The following SLC30A7 variants were observed in gnomAD, a reference collection of about 807,000 sequenced individuals.
SLC30A7 encodes zinc transporter 7.
A neutral mutation model predicts 46.0 loss-of-function variants in SLC30A7; 35 were observed. The ratio of observed to expected loss-of-function variants is 0.76; its 90% CI spans 0.58 to 1.01. SLC30A7 has a LOEUF of 1.01. Among genes scored for constraint, SLC30A7 ranks in the 50% least tolerant of loss-of-function variants. The pLI is 0.00. For synonymous variants in SLC30A7, 147 were observed against 157.8 expected (o/e 0.93, Z 0.51); for missense variants, 464 against 451.1 (o/e 1.03, Z -0.26).
At chr1:100,912,625 A>G (rs963574508) in intron 5 of SLC30A7, among the ~76,000 whole-genome samples, 1 of 152,086 alleles carries the variant, frequency 6.6e-6, no homozygotes, top group Admixed American at 6.6e-5. Flanking sequence ...GGAGGTTGAC[A>G]CCAGCCTGGG....
intron 8 of SLC30A7, among the ~76,000 whole-genome samples, chr1:100,939,516 G>T (rs1171590685): frequency 4.6e-5 from 7 of 151,970 alleles, no homozygotes; most frequent in Admixed American, 2.6e-4. Context: ...CTCGAACAGA[G>T]CCTTTTTTGT....
chr1:100,955,455 A>AC (rs1455349469), intron 8 of SLC30A7, among the ~76,000 whole-genome samples: 1 of 152,052 alleles, frequency 6.6e-6, no homozygotes, highest in Non-Finnish European at 1.5e-5. Context: ...TTACTGGTAA[A>AC]CTCATACCTA....
chr1:100,941,998 G>A (rs905989534), intron 8 of SLC30A7: 1 of 241,148 alleles, frequency 4.1e-6, no homozygotes, highest in Non-Finnish European at 8.1e-6. Context: ...GCGACGTGAC[G>A]GCAGTGGGAA....
chr1:100,918,474 G>A (rs892861261), intron 7 of SLC30A7, among the ~76,000 whole-genome samples: 2 of 151,978 alleles, frequency 1.3e-5, no homozygotes, highest in Non-Finnish European at 2.9e-5. Context: ...AAAAAGATTC[G>A]GAAACTATTC....
intron 8 of SLC30A7, among the ~76,000 whole-genome samples, chr1:100,930,332 G>A (rs1204626326): frequency 2.0e-5 from 3 of 151,694 alleles, no homozygotes; most frequent in Non-Finnish European, 2.9e-5. Flanking sequence ...TAATTTTAGA[G>A]GAAACAAATT....
At chr1:100,930,836 A>G (rs987450447) in intron 8 of SLC30A7, among the ~76,000 whole-genome samples, 1 of 152,124 alleles carries the variant, frequency 6.6e-6, no homozygotes, top group African/African-American at 2.4e-5. Flanking sequence ...GTATTCTTTA[A>G]TCATGCATAA....
the SLC30A7 span, chr1:100,990,325 T>A: frequency 2.3e-6 from 3 of 1,280,654 alleles, no homozygotes; most frequent in African/African-American, 4.4e-5. Flanking sequence ...AAATTCAAGA[T>A]GAGACTTGGG....
chr1:100,945,719 G>A (rs1379462665), intron 8 of SLC30A7, among the ~76,000 whole-genome samples: 19 of 152,120 alleles, frequency 1.2e-4, no homozygotes, highest in African/African-American at 4.3e-4. Flanking sequence ...GTCAGGTAAC[G>A]TGATGCCTCC....
rs1160553420 is a variant in SLC30A7, at chr1:100,976,068, A to G, written c.*1211A>G. On this transcript the variant is annotated 3_prime_UTR_variant, in exon 11 of 11. Transcript: ENST00000357650. ...AAATTACTTTGTGGACTGTGTTTTC[A>G]AAACTTTGCAAATTCATCTGTTACA... 1 of 152,540 alleles carries G rather than the reference A, an allele frequency of 6.6e-6. No homozygotes were observed. The highest frequency in any genetic ancestry group is 6.5e-5 in the Admixed American group (1 of 15,278). 9.4% of individuals were successfully genotyped at this position (152,540 alleles called of 1,614,324 possible). A position where few individuals can be genotyped will look rare whatever the true frequency, so the allele number is the denominator to read the frequency against.
chr1:100,963,205 C>T (rs193116649), intron 9 of SLC30A7, among the ~76,000 whole-genome samples: 36 of 152,204 alleles, frequency 2.4e-4, no homozygotes, highest in African/African-American at 7.0e-4. Context: ...TTATTACCTC[C>T]GGAGAAGTTC....
intron 8 of SLC30A7, among the ~76,000 whole-genome samples, chr1:100,925,763 A>T (rs1260493610): frequency 6.6e-6 from 1 of 152,206 alleles, no homozygotes; most frequent in Non-Finnish European, 1.5e-5. Context: ...TTTTGGATAT[A>T]AGTTTGAGAT....
At chr1:100,982,600 TTTTAC>T (rs1660232552), downstream of SLC30A7, among the ~76,000 whole-genome samples, 1 of 152,174 alleles carries the variant, frequency 6.6e-6, no homozygotes, top group Non-Finnish European at 1.5e-5. Flanking sequence ...CTTTGAAATC[TTTTAC>T]TTTCTTTTCC....
chr1:100,915,190 T>C (rs1652417211), intron 6 of SLC30A7, among the ~76,000 whole-genome samples: 2 of 140,368 alleles, frequency 1.4e-5, no homozygotes, highest in African/African-American at 5.2e-5. Context: ...TTTCTTTTCT[T>C]TCTTTTCTTT....
In SLC30A7 at chr1:100,981,598, T is replaced by C. The variant is rs1404345158; in HGVS notation, c.*6741T>C. 6.6e-6 allele frequency: 1 copy of C among 152,252 alleles called. No homozygotes were observed. The highest frequency in any genetic ancestry group is 1.5e-5 in the Non-Finnish European group (1 of 68,032). The allele number at this position is 152,252 out of a possible 1,614,324, so 9.4% of individuals were successfully genotyped here. A position where few individuals can be genotyped will look rare whatever the true frequency, so the allele number is the denominator to read the frequency against. Reference sequence around the variant, plus strand: ...TTGAATATGCTGAAGTGAGCAATTATGATTTGCCCAAGTGCAATACAACAA... The same window carrying C: ...TTGAATATGCTGAAGTGAGCAATTACGATTTGCCCAAGTGCAATACAACAA... On this transcript the variant is annotated 3_prime_UTR_variant, in exon 11 of 11. Transcript: ENST00000357650.
chr1:100,987,608 T>C, the SLC30A7 span, among the ~76,000 whole-genome samples: 7 of 152,002 alleles, frequency 4.6e-5, no homozygotes, highest in African/African-American at 1.7e-4. Flanking sequence ...TTAAAAATCC[T>C]TGTCTGCCAA....
intron 3 of SLC30A7, among the ~76,000 whole-genome samples, chr1:100,909,196 T>C (rs1285413536): frequency 2.6e-5 from 4 of 152,126 alleles, no homozygotes; most frequent in African/African-American, 9.7e-5. Context: ...TGACACTGAT[T>C]AATTCATGTT....
chr1:100,916,345 C>T (rs1219078995), intron 6 of SLC30A7, among the ~76,000 whole-genome samples: 1 of 152,040 alleles, frequency 6.6e-6, no homozygotes, highest in Non-Finnish European at 1.5e-5. Flanking sequence ...GCCACCACAC[C>T]CAGCTAACTT....
At chr1:100,931,082 G>T (rs1653637728) in intron 8 of SLC30A7, among the ~76,000 whole-genome samples, 1 of 152,012 alleles carries the variant, frequency 6.6e-6, no homozygotes, top group Non-Finnish European at 1.5e-5. Flanking sequence ...GCTGGCAGAG[G>T]GTTTTATAAT....
intron 7 of SLC30A7, among the ~76,000 whole-genome samples, chr1:100,920,225 C>T (rs1000150871): frequency 2.6e-5 from 4 of 151,838 alleles, no homozygotes; most frequent in African/African-American, 9.7e-5. Context: ...TACCAAAACA[C>T]TGATTAAAGA....
Sources: gnomAD v4.1 joint callset for allele counts (sites outside exome capture counted in the v4.1 genomes callset) on GRCh38, gnomAD v4.1.1 for gene constraint, MANE v1.5 for transcripts, NCBI Gene and HGNC (gene_info 2026-07-23, HGNC 2026-07-21) for gene names.